FASTKD2: variants seen among roughly 807,000 people sequenced by gnomAD.
FASTKD2 encodes the protein FAST kinase domains 2.
Under a neutral mutation model 63.6 loss-of-function variants are expected in FASTKD2, and 51 were observed. The ratio of observed to expected loss-of-function variants is 0.80; its 90% CI spans 0.64 to 1.01. FASTKD2 has a LOEUF of 1.01. FASTKD2 is among the 50% of genes least tolerant of loss of function. The probability of loss-of-function intolerance (pLI) is 0.00; values close to 1 mark genes in which losing one functional copy is unlikely to be tolerated. For missense variants in FASTKD2, 786 were observed against 831.1 expected (o/e 0.95, Z 0.67); for synonymous variants, 284 against 293.4 (o/e 0.97, Z 0.33).
rs1431820245 is a variant in FASTKD2 at position 206,795,232 on chromosome 2, G to C, written c.*3430G>C. ...GTGGCTGCCCAGAAGGCAGGAGATG[G>C]CTATCTCTTTTTTTTTCCTGAGACG... is the stretch of plus-strand genomic sequence containing the variant. On this transcript the variant is annotated 3_prime_UTR_variant, in exon 12 of 12. Transcript: ENST00000402774. 6.6e-6 allele frequency among the ~76,000 whole-genome samples: 1 copy of C among 152,282 alleles called. No homozygotes were observed. Among genetic ancestry groups the C allele is most frequent in the East Asian group, 1.9e-4 (1 of 5,176 alleles).
intron 7 of FASTKD2, among the ~76,000 whole-genome samples, chr2:206,777,150 G>A (rs1449827007): frequency 2.6e-5 from 4 of 151,978 alleles, no homozygotes; most frequent in African/African-American, 9.7e-5. Flanking sequence ...TTCTGATTTG[G>A]TTGTTTTTCT....
At chr2:206,775,720 G>A (rs961216709) in intron 7 of FASTKD2, among the ~76,000 whole-genome samples, 5 of 151,832 alleles carry the variant, frequency 3.3e-5, no homozygotes, top group African/African-American at 9.7e-5. Context: ...TAAATGTTTG[G>A]TAGAATTCAG....
chr2:206,788,938 G>A (rs776192991), intron 10 of FASTKD2, 35 bp downstream of exon 10: 39 of 1,084,918 alleles, frequency 3.6e-5, no homozygotes, highest in Non-Finnish European at 5.6e-5. Context: ...TGGGCTTTCT[G>A]AATTAAAATC....
Position 206,777,875 on chromosome 2 carries a change from TGGTA to T in FASTKD2, c.1427+3482_1427+3485del, listed in dbSNP as rs1313175166. ...TTTCTATTTCTTTATGATTCAGTCTTGGTAGGTTGTATTTTTCTAGGAATTTATT... is the reference window on the plus strand; with the variant it reads ...TTTCTATTTCTTTATGATTCAGTCTTGGTTGTATTTTTCTAGGAATTTATT... On this transcript the variant is annotated intron_variant, in intron 7 of 11. Coordinates refer to ENST00000402774, the MANE Select transcript of FASTKD2 (RefSeq NM_001136193.2). Among the ~76,000 whole-genome samples, 18 of 152,220 alleles carry T rather than the reference TGGTA, an allele frequency of 1.2e-4. 1 individual carries two copies. The highest frequency in any genetic ancestry group is 1.1e-3 in the Admixed American group (17 of 15,292).
intron 7 of FASTKD2, among the ~76,000 whole-genome samples, chr2:206,781,835 C>T (rs1204928969): frequency 6.6e-6 from 1 of 151,476 alleles, no homozygotes; most frequent in Non-Finnish European, 1.5e-5. Context: ...CCCTTTTTTT[C>T]CTACTTAACT....
chr2:206,783,316 A>G (rs1258765523), intron 7 of FASTKD2: 1 of 151,616 alleles, frequency 6.6e-6, no homozygotes, highest in Non-Finnish European at 1.5e-5. Flanking sequence ...AAGTTGTGTC[A>G]CATCATTTGT....
At chr2:206,777,144 G>A (rs10199766) in intron 7 of FASTKD2, among the ~76,000 whole-genome samples, 37,735 of 151,940 alleles carry the variant, frequency 0.25, 5,641 homozygotes, top group East Asian at 0.71. Flanking sequence ...CTTCCTTTCT[G>A]ATTTGGTTGT....
intron 7 of FASTKD2, among the ~76,000 whole-genome samples, chr2:206,780,215 A>T (rs1689934686): frequency 6.6e-6 from 1 of 152,096 alleles, no homozygotes; most frequent in Admixed American, 6.5e-5. Flanking sequence ...TGAGTTTTAT[A>T]CTTTCCTGTG....
intron 7 of FASTKD2, among the ~76,000 whole-genome samples, chr2:206,784,026 C>T (rs1690068691): frequency 6.6e-6 from 1 of 152,174 alleles, no homozygotes. Flanking sequence ...GATTGAGAAA[C>T]CCTTACCTAA....
chr2:206,789,168 CAA>C lies in FASTKD2; in HGVS notation c.1898+266_1898+267del, dbSNP rs1333273948. On this transcript the variant is annotated intron_variant, in intron 10 of 11. Transcript: ENST00000402774. ...GTTTTGAAGCTATAGTTCAATAAAA[CAA>C]TATTAATATAATTGAAACTATCAAT... The C allele has an allele frequency of 4.1e-5, 17 of 411,566 alleles. No homozygotes were observed. In the East Asian group the frequency reaches 8.2e-4, roughly 20 times the overall value. The allele number at this position is 411,566 out of a possible 1,614,324, so 25.5% of individuals were successfully genotyped here.
intron 6 of FASTKD2, among the ~76,000 whole-genome samples, chr2:206,773,886 C>T (rs993095582): frequency 6.6e-6 from 1 of 152,068 alleles, no homozygotes; most frequent in Non-Finnish European, 1.5e-5. Context: ...TGAAAACCTT[C>T]AGAAAAGGCA....
chr2:206,766,657 C>A lies in FASTKD2; in HGVS notation c.-37C>A. 6.4e-7 allele frequency: 1 copy of A among 1,566,088 alleles called. No individual in the cohort carries two copies. Among genetic ancestry groups the A allele is most frequent in the Non-Finnish European group, 8.8e-7 (1 of 1,136,436 alleles). On this transcript the variant is annotated 5_prime_UTR_variant, in exon 2 of 12. Coordinates refer to ENST00000402774, the MANE Select transcript of FASTKD2 (RefSeq NM_001136193.2). Reference sequence around the variant, plus strand: ...CTTCCCCTACAGGAAAACGACAGCACGTGTTCTTTTTCACTAGTAGAAGTG... The same window carrying A: ...CTTCCCCTACAGGAAAACGACAGCAAGTGTTCTTTTTCACTAGTAGAAGTG...
chr2:206,770,092 A>G lies in FASTKD2; in HGVS notation c.779A>G (p.Glu260Gly), dbSNP rs1487692792. The change falls in exon 3 of 12, where the codon GAA becomes GGA. Residue 260 changes from glutamate (E) to glycine (G), a missense_variant and splice_region_variant. By Grantham distance (98) the Glu-to-Gly change is moderately conservative. Coordinates refer to ENST00000402774, the MANE Select transcript of FASTKD2 (RefSeq NM_001136193.2). ...GTTTTTGTAATTATATTTCAATAGG[A>G]ACGTATCAATGAGTGTGATGAGATA... is the stretch of plus-strand genomic sequence containing the variant. ...LVQTLLRVTQ[E>G]RINECDEICL... The G allele has an allele frequency of 1.3e-6, 2 of 1,585,328 alleles. No homozygotes were observed. The highest frequency in any genetic ancestry group is 1.7e-6 in the Non-Finnish European group (2 of 1,153,806).
rs1689670957 is a variant in FASTKD2, at chr2:206,771,217, A to G, written c.917A>G (p.Asp306Gly). Reference protein sequence around the residue: ...LVDQQVWKIEDVFTLQVVMKC... With the variant: ...LVDQQVWKIEGVFTLQVVMKC... ...GATCAGCAAGTTTGGAAAATAGAAGATGTCTTCACATTACAAGTTGTGATG... is the reference window on the plus strand; with the variant it reads ...GATCAGCAAGTTTGGAAAATAGAAGGTGTCTTCACATTACAAGTTGTGATG... The change falls in exon 4 of 12, where the codon GAT becomes GGT. Residue 306 changes from aspartate to glycine, a missense_variant. Transcript: ENST00000402774. The G allele has an allele frequency of 1.9e-6, 3 of 1,609,834 alleles. No individual in the cohort carries two copies. Among genetic ancestry groups the G allele is most frequent in the Non-Finnish European group, 2.6e-6 (3 of 1,176,224 alleles).
In FASTKD2 at chr2:206,794,922, A is replaced by G. The variant is rs1017744400; in HGVS notation, c.*3120A>G. ...TTGGGGCATCTACTTGGAACTACCT[A>G]TGAGGAGCTGGCATTCCTCAAATCC... On this transcript the variant is annotated 3_prime_UTR_variant, in exon 12 of 12. Coordinates refer to ENST00000402774, the MANE Select transcript of FASTKD2 (RefSeq NM_001136193.2). Among the ~76,000 whole-genome samples, 4 of 152,172 alleles carry G rather than the reference A, an allele frequency of 2.6e-5. No homozygotes were observed. The highest frequency in any genetic ancestry group is 4.4e-5 in the Non-Finnish European group (3 of 68,024).
At chr2:206,783,660 C>T (rs1344571657) in intron 7 of FASTKD2, among the ~76,000 whole-genome samples, 6 of 151,904 alleles carry the variant, frequency 3.9e-5, no homozygotes, top group Non-Finnish European at 8.8e-5. Context: ...ATAACTTGTT[C>T]CAACAAAATT....
At chr2:206,791,550 G>T in intron 11 of FASTKD2, 133 bp from the exon 12 acceptor site, 1 of 758,930 alleles carries the variant, frequency 1.3e-6, no homozygotes, top group Non-Finnish European at 2.3e-6. Context: ...TTTAAAATAT[G>T]AGTAGTTATA....
intron 1 of FASTKD2, among the ~76,000 whole-genome samples, chr2:206,766,214 C>T (rs1054938287): frequency 3.7e-5 from 5 of 136,156 alleles, no homozygotes; most frequent in African/African-American, 1.4e-4. Context: ...GAGCCAAGAT[C>T]GCGCCACTGC....
chr2:206,770,515 A>T lies in FASTKD2; in HGVS notation c.881+321A>T, dbSNP rs147263778. On this transcript the variant is annotated intron_variant, in intron 3 of 11. Coordinates refer to ENST00000402774, the MANE Select transcript of FASTKD2 (RefSeq NM_001136193.2). ...TCCCAGCACTTTGGGAGGCCGAGGC[A>T]GGCGGATCACGAGGTCGGGAGATCG... Among the ~76,000 whole-genome samples, 981 of 152,196 alleles carry T rather than the reference A, an allele frequency of 6.4e-3. 17 individuals carry two copies. Among genetic ancestry groups the T allele is most frequent in the African/African-American group, 0.022 (926 of 41,538 alleles).
Sources: gnomAD v4.1 joint callset for allele counts (sites outside exome capture counted in the v4.1 genomes callset) on GRCh38, gnomAD v4.1.1 for gene constraint, MANE v1.5 for transcripts, NCBI Gene and HGNC (gene_info 2026-07-23, HGNC 2026-07-21) for gene names.